Variants in ERCC5 observed in about 807,000 individuals in gnomAD.
ERCC5 encodes the protein DNA excision repair protein ERCC-5.
ERCC5 carries 68 observed loss-of-function variants against 105.6 expected under a neutral mutation model. The observed-to-expected ratio is 0.64, with a 90% CI of 0.53 to 0.79. The LOEUF is 0.79. Ranked by LOEUF, ERCC5 falls within the 30% of genes least tolerant of loss-of-function variation. The probability of loss-of-function intolerance (pLI) is 0.00; values close to 1 mark genes in which losing one functional copy is unlikely to be tolerated. For synonymous variants in ERCC5, 546 were observed against 526.2 expected (o/e 1.04, Z -0.51); for missense variants, 1,373 against 1,426.7 (o/e 0.96, Z 0.61).
At chr13:102,871,426 AAATG>A (rs1181897969) in intron 12 of ERCC5, among the ~76,000 whole-genome samples, 1 of 152,168 alleles carries the variant, frequency 6.6e-6, no homozygotes, top group Non-Finnish European at 1.5e-5. Flanking sequence ...ATAAAGAAGA[AAATG>A]AATGGCTGTG....
At chr13:102,855,997 T>C in intron 4 of ERCC5, 55 bp from the exon 5 acceptor site, 2 of 1,573,716 alleles carry the variant, frequency 1.3e-6, no homozygotes, top group Non-Finnish European at 1.7e-6. Flanking sequence ...TACAAGTATT[T>C]TTGTAAGGGG....
intron 12 of ERCC5, among the ~76,000 whole-genome samples, chr13:102,869,399 A>G (rs1009759935): frequency 1.3e-5 from 2 of 151,734 alleles, no homozygotes; most frequent in Non-Finnish European, 2.9e-5. Flanking sequence ...AAAATTATAA[A>G]TATGTATTAA....
intron 12 of ERCC5, among the ~76,000 whole-genome samples, chr13:102,871,277 C>G (rs903112941): frequency 5.9e-5 from 9 of 152,216 alleles, no homozygotes; most frequent in African/African-American, 2.2e-4. Context: ...TTGAGTCACA[C>G]TGGTCAGCCA....
intron 2 of ERCC5, 41 bp downstream of exon 2, chr13:102,852,334 T>C: frequency 1.2e-6 from 2 of 1,604,738 alleles, no homozygotes; most frequent in Non-Finnish European, 1.7e-6. Context: ...AAATAATTTT[T>C]TTCTTTCTGC....
intron 8 of ERCC5, 102 bp downstream of exon 8, chr13:102,863,205 A>G (rs1055055445): frequency 1.6e-5 from 21 of 1,306,138 alleles, no homozygotes; most frequent in East Asian, 2.5e-5. Context: ...TTTTACAGAT[A>G]AGGAACGAGA....
rs1199571357 is a variant in ERCC5, at chr13:102,852,208, A to G, written c.179A>G (p.His60Arg). 2 of 1,614,146 alleles carry G rather than the reference A, an allele frequency of 1.2e-6. No individual in the cohort carries two copies. Among genetic ancestry groups the G allele is most frequent in the Admixed American group, 1.7e-5 (1 of 60,026 alleles). Reference sequence around the variant, plus strand: ...AATCCTCATCTTCTCACTTTGTTTCATCGGCTCTGCAAACTCTTATTTTTT... The same window carrying G: ...AATCCTCATCTTCTCACTTTGTTTCGTCGGCTCTGCAAACTCTTATTTTTT... ...IENPHLLTLFHRLCKLLFFRI... is the reference protein window; with the variant it reads ...IENPHLLTLFRRLCKLLFFRI... Residue 60 changes from histidine (H) to arginine (R), a missense_variant, in exon 2 of 15, where the codon CAT becomes CGT. His to Arg is a conservative substitution (Grantham distance 29). This residue lies in a region of ERCC5 where 1,004 missense variants were observed against 1,059.7 expected (regional missense o/e 0.95). Coordinates refer to ENST00000652225, the MANE Select transcript of ERCC5 (RefSeq NM_000123.4).
At chr13:102,863,656 G>A (rs1428012592) in intron 8 of ERCC5, among the ~76,000 whole-genome samples, 2 of 152,094 alleles carry the variant, frequency 1.3e-5, no homozygotes, top group East Asian at 1.9e-4. Context: ...ATGTCTTTGT[G>A]GTCATTTGTG....
intron 7 of ERCC5, 63 bp downstream of exon 7, chr13:102,861,777 T>G (rs1882628716): frequency 2.5e-6 from 4 of 1,579,958 alleles, no homozygotes; most frequent in Non-Finnish European, 2.6e-6. Flanking sequence ...TGACTCTGAA[T>G]TCTATAAACT....
chr13:102,855,717 C>T (rs750276472), intron 4 of ERCC5, among the ~76,000 whole-genome samples: 8 of 152,282 alleles, frequency 5.3e-5, no homozygotes, highest in East Asian at 1.9e-4. Context: ...TGAACCTTCC[C>T]GCTCCCTACA....
In ERCC5 at chr13:102,866,724, C is replaced by T. The variant is rs145905587; in HGVS notation, c.2412C>T (p.Ser804=). The change falls in exon 11 of 15, where the codon TCC becomes TCT. Residue 804 remains serine, a synonymous_variant. Transcript: ENST00000652225. The stretch of plus-strand genomic sequence containing the variant: ...TCCTGGACCTGACTGATCAGACTTC[C>T]GGAACCATCACTGATGACAGTGATA... ...CAILDLTDQT[S]GTITDDSDIW... is the part of the protein sequence containing the mutation. The T allele has an allele frequency of 4.4e-5, 71 of 1,614,248 alleles. No homozygotes were observed. Among genetic ancestry groups the T allele is most frequent in the East Asian group, 6.7e-5 (3 of 44,878 alleles).
At chr13:102,860,120 C>G (rs1330748366) in intron 6 of ERCC5, among the ~76,000 whole-genome samples, 3 of 152,182 alleles carry the variant, frequency 2.0e-5, no homozygotes, top group Non-Finnish European at 4.4e-5. Flanking sequence ...TGCTTCTCCT[C>G]AAGTCACTCT....
At chr13:102,854,577 T>G (rs1882336616) in intron 4 of ERCC5, among the ~76,000 whole-genome samples, 1 of 152,236 alleles carries the variant, frequency 6.6e-6, no homozygotes, top group African/African-American at 2.4e-5. Context: ...TTCATGATTC[T>G]TATTCCTCTT....
chr13:102,848,583 G>T (rs1374324877), intron 1 of ERCC5, among the ~76,000 whole-genome samples: 2 of 152,026 alleles, frequency 1.3e-5, no homozygotes, highest in Non-Finnish European at 2.9e-5. Context: ...AAGAACTAAA[G>T]AAACTTATTT....
At chr13:102,850,653 G>A (rs1393938371) in intron 1 of ERCC5, among the ~76,000 whole-genome samples, 2 of 152,214 alleles carry the variant, frequency 1.3e-5, no homozygotes, top group Non-Finnish European at 2.9e-5. Flanking sequence ...GAATGGCAGG[G>A]ACATTCACTG....
chr13:102,856,782 G>A (rs4150287), intron 5 of ERCC5, among the ~76,000 whole-genome samples: 3,938 of 152,286 alleles, frequency 0.026, 67 homozygotes, highest in Non-Finnish European at 0.034. Flanking sequence ...TCTTCCATGC[G>A]GCCAGCACCA....
At chr13:102,860,932 A>C (rs1229779552) in intron 6 of ERCC5, among the ~76,000 whole-genome samples, 1 of 152,072 alleles carries the variant, frequency 6.6e-6, no homozygotes, top group Non-Finnish European at 1.5e-5. Context: ...GCTATGCATT[A>C]CATGCTCAAT....
At position 102,862,321 on chromosome 13, in the gene ERCC5, T is replaced by C; in HGVS notation, c.1172T>C (p.Ile391Thr). 2 of 1,614,088 alleles carry C rather than the reference T, an allele frequency of 1.2e-6. No homozygotes were observed. Among genetic ancestry groups the C allele is most frequent in the Non-Finnish European group, 1.7e-6 (2 of 1,180,028 alleles). ...ATATCACCCCGGACTCTTTCAGCCA[T>C]TAAGAGAGCTCTTGACGATGACGAA... ...GSISPRTLSA[I>T]KRALDDDEDV... is the part of the protein sequence containing the mutation. Residue 391 changes from isoleucine to threonine, a missense_variant, in exon 8 of 15, where the codon ATT (isoleucine) becomes ACT (threonine). By Grantham distance (89) the Ile-to-Thr change is moderately conservative. Around this residue, in one of 3 missense-constraint regions of ERCC5, gnomAD observed 1,004 missense variants for 1,059.7 expected, o/e 0.95. Coordinates refer to ENST00000652225, the MANE Select transcript of ERCC5 (RefSeq NM_000123.4).
At chr13:102,848,544 C>G (rs1043709580) in intron 1 of ERCC5, among the ~76,000 whole-genome samples, 1 of 152,104 alleles carries the variant, frequency 6.6e-6, no homozygotes, top group Non-Finnish European at 1.5e-5. Context: ...GCTATGTATA[C>G]TAATGGAGAT....
chr13:102,849,689 G>C (rs1418027233), intron 1 of ERCC5, among the ~76,000 whole-genome samples: 1 of 152,110 alleles, frequency 6.6e-6, no homozygotes, highest in African/African-American at 2.4e-5. Flanking sequence ...CTGTGAAAGG[G>C]AGTGCAGTGC....
Sources: allele counts gnomAD v4.1 joint callset (sites outside exome capture counted in the v4.1 genomes callset), GRCh38; gene constraint gnomAD v4.1.1; regional missense constraint gnomAD v4.1.1; transcripts MANE v1.5; gene names NCBI Gene and HGNC (gene_info 2026-07-23, HGNC 2026-07-21).